The following GRXCR1 variants were observed in gnomAD, a reference collection of about 807,000 sequenced individuals.
GRXCR1 encodes glutaredoxin and cysteine rich domain containing 1.
GRXCR1 carries 27 observed loss-of-function variants against 27.3 expected under a neutral mutation model. That is an observed-to-expected ratio of 0.99 (90% confidence interval 0.73 to 1.37). The LOEUF (loss-of-function observed/expected upper bound fraction) is 1.37. Among genes scored for constraint, GRXCR1 ranks in the 40% most tolerant of loss-of-function variants. The pLI is 0.00. For missense variants in GRXCR1, 379 were observed against 354.4 expected (o/e 1.07, Z -0.56); for synonymous variants, 122 against 131.1 (o/e 0.93, Z 0.47).
chr4:43,029,512 T>C (rs975997826), intron 3 of GRXCR1, among the ~76,000 whole-genome samples: 1 of 152,188 alleles, frequency 6.6e-6, no homozygotes, highest in African/African-American at 2.4e-5. Context: ...AACTGATGGA[T>C]GCCACTAGAG....
At chr4:42,946,988 C>A (rs934055955) in intron 1 of GRXCR1, among the ~76,000 whole-genome samples, 2 of 152,028 alleles carry the variant, frequency 1.3e-5, no homozygotes, top group Non-Finnish European at 2.9e-5. Flanking sequence ...CACAACCCAC[C>A]GAATGGAGAG....
intron 1 of GRXCR1, among the ~76,000 whole-genome samples, chr4:42,894,991 G>C (rs942377776): frequency 6.6e-6 from 1 of 152,054 alleles, no homozygotes; most frequent in Admixed American, 6.6e-5. Context: ...TTATGATTTG[G>C]AGGGTTGTTT....
At chr4:42,981,184 T>C (rs1748657726) in intron 2 of GRXCR1, among the ~76,000 whole-genome samples, 1 of 151,812 alleles carries the variant, frequency 6.6e-6, no homozygotes, top group South Asian at 2.1e-4. Context: ...ACTTTCTTTT[T>C]CTTTTTGCTT....
At chr4:42,919,697 G>T (rs1431241657) in intron 1 of GRXCR1, among the ~76,000 whole-genome samples, 3 of 151,970 alleles carry the variant, frequency 2.0e-5, no homozygotes, top group Non-Finnish European at 4.4e-5. Context: ...TCTTCCACTG[G>T]GTCAGGGGAA....
intron 1 of GRXCR1, among the ~76,000 whole-genome samples, chr4:42,897,509 G>A (rs1008679143): frequency 6.6e-5 from 10 of 151,834 alleles, no homozygotes; most frequent in South Asian, 2.1e-4. Flanking sequence ...TATAACCTCC[G>A]TCTATGTATG....
At chr4:42,897,950 A>C (rs1424527049) in intron 1 of GRXCR1, among the ~76,000 whole-genome samples, 3 of 30,632 alleles carry the variant, frequency 9.8e-5, no homozygotes, top group Non-Finnish European at 2.0e-4. Flanking sequence ...TATTATTATT[A>C]TTATTATTCT....
At chr4:42,908,733 G>A (rs575455274) in intron 1 of GRXCR1, among the ~76,000 whole-genome samples, 8 of 152,196 alleles carry the variant, frequency 5.3e-5, no homozygotes, top group East Asian at 1.9e-4. Flanking sequence ...GGTGGTGAGC[G>A]GAGAAAAAAT....
At chr4:42,983,123 C>T (rs1417878169) in intron 2 of GRXCR1, among the ~76,000 whole-genome samples, 1 of 150,400 alleles carries the variant, frequency 6.6e-6, no homozygotes, top group East Asian at 1.9e-4. Context: ...GACATGAAGT[C>T]CTTGCCCATG....
intron 2 of GRXCR1, among the ~76,000 whole-genome samples, chr4:42,977,123 C>T (rs1748543715): frequency 6.6e-6 from 1 of 152,014 alleles, no homozygotes; most frequent in South Asian, 2.1e-4. Context: ...CAGATTCATC[C>T]ATGTTGTAAC....
At chr4:42,896,399 A>G (rs1053357156) in intron 1 of GRXCR1, among the ~76,000 whole-genome samples, 10 of 151,132 alleles carry the variant, frequency 6.6e-5, no homozygotes, top group Non-Finnish European at 1.2e-4. Flanking sequence ...AAAATTAATC[A>G]AGGTTGTTAA....
intron 2 of GRXCR1, among the ~76,000 whole-genome samples, chr4:42,992,722 G>A (rs1220774688): frequency 2.0e-5 from 3 of 152,052 alleles, no homozygotes; most frequent in African/African-American, 7.2e-5. Context: ...ATTGTTCACA[G>A]CTGCCATTAC....
At chr4:43,018,753 C>T (rs535895511) in intron 2 of GRXCR1, among the ~76,000 whole-genome samples, 1 of 152,302 alleles carries the variant, frequency 6.6e-6, no homozygotes, top group South Asian at 2.1e-4. Flanking sequence ...CCCATTTTAA[C>T]TTAGCTATCT....
intron 2 of GRXCR1, among the ~76,000 whole-genome samples, chr4:42,993,009 A>G (rs956807805): frequency 4.6e-5 from 7 of 152,094 alleles, no homozygotes; most frequent in African/African-American, 1.7e-4. Flanking sequence ...AACACCACAC[A>G]TCCTCATTTT....
chr4:42,983,845 T>A (rs1289751407), intron 2 of GRXCR1, among the ~76,000 whole-genome samples: 2 of 151,340 alleles, frequency 1.3e-5, no homozygotes, highest in Non-Finnish European at 2.9e-5. Flanking sequence ...TTTCTTTTTT[T>A]TTTTTTTTCA....
At chr4:42,919,307 C>T (rs1239378379) in intron 1 of GRXCR1, among the ~76,000 whole-genome samples, 5 of 152,044 alleles carry the variant, frequency 3.3e-5, no homozygotes, top group Admixed American at 1.3e-4. Context: ...GTTAGTTATC[C>T]TCATATCTAC....
chr4:43,005,978 T>C (rs938287508), intron 2 of GRXCR1, among the ~76,000 whole-genome samples: 2 of 152,182 alleles, frequency 1.3e-5, no homozygotes, highest in Non-Finnish European at 2.9e-5. Flanking sequence ...GGCAGAAGAA[T>C]GTGGATTGTG....
intron 3 of GRXCR1, among the ~76,000 whole-genome samples, chr4:43,022,192 A>T (rs190734247): frequency 8.5e-5 from 13 of 152,334 alleles, no homozygotes; most frequent in African/African-American, 3.1e-4. Context: ...TGTATTATGC[A>T]GTATCATTGA....
intron 2 of GRXCR1, among the ~76,000 whole-genome samples, chr4:43,006,184 T>C (rs551209195): frequency 6.6e-6 from 1 of 152,288 alleles, no homozygotes; most frequent in East Asian, 1.9e-4. Context: ...AGGATGTATA[T>C]CGCCTCAGGA....
intron 1 of GRXCR1, among the ~76,000 whole-genome samples, chr4:42,950,436 C>T (rs1747855598): frequency 1.3e-5 from 2 of 152,128 alleles, no homozygotes; most frequent in Non-Finnish European, 2.9e-5. Context: ...TTTTGGTGGT[C>T]ATCCTCATAT....
Sources: gnomAD v4.1 joint callset for allele counts (sites outside exome capture counted in the v4.1 genomes callset) on GRCh38, gnomAD v4.1.1 for gene constraint, MANE v1.5 for transcripts, NCBI Gene and HGNC (gene_info 2026-07-23, HGNC 2026-07-21) for gene names.